NFRKB: variants seen among roughly 807,000 people sequenced by gnomAD.
NFRKB encodes nuclear factor related to kappa-B-binding protein.
In NFRKB, 62 loss-of-function variants were observed where a neutral mutation model predicts 135.7. The ratio of observed to expected loss-of-function variants is 0.46; its 90% CI spans 0.37 to 0.56. The LOEUF is 0.56. NFRKB is among the 20% of genes least tolerant of loss of function. NFRKB has a pLI of 0.00. For missense variants in NFRKB, 1,545 were observed against 1,662.0 expected (o/e 0.93, Z 1.22); for synonymous variants, 678 against 635.6 (o/e 1.07, Z -1.00).
intron 23 of NFRKB, among the ~76,000 whole-genome samples, chr11:129,870,476 C>T (rs1023714463): frequency 6.6e-6 from 1 of 152,078 alleles, no homozygotes; most frequent in South Asian, 2.1e-4. Flanking sequence ...GCTATCCCTC[C>T]CCACTGTGGT....
chr11:129,888,538 A>T, intron 4 of NFRKB, 56 bp downstream of exon 4: 1 of 1,469,332 alleles, frequency 6.8e-7, no homozygotes, highest in Non-Finnish European at 9.5e-7. Flanking sequence ...ACCCACATAA[A>T]GTGAACGTGT....
In NFRKB at chr11:129,885,518, C is replaced by A. The variant is rs779657816; in HGVS notation, c.557G>T (p.Trp186Leu). 6.2e-7 allele frequency: 1 copy of A among 1,614,160 alleles called. No homozygotes were observed. The highest frequency in any genetic ancestry group is 1.1e-5 in the South Asian group (1 of 91,088). The change falls in exon 6 of 27, where the codon TGG becomes TTG. Residue 186 changes from tryptophan (W) to leucine (L), a missense_variant. Transcript: ENST00000682444. Reference protein sequence around the residue: ...SPSRTPEEREWRTQQRYLKVL... With the variant: ...SPSRTPEERELRTQQRYLKVL... ...CTTCAAGTAGCGCTGCTGGGTCCGC[C>A]ACTCCCGCTCCTCAGGTGTGCGGGA...
intron 24 of NFRKB, among the ~76,000 whole-genome samples, chr11:129,867,634 C>T (rs1350282623): frequency 6.6e-6 from 1 of 152,106 alleles, no homozygotes; most frequent in Non-Finnish European, 1.5e-5. Context: ...TCTTTTTTAA[C>T]CACACTATGT....
intron 3 of NFRKB, among the ~76,000 whole-genome samples, chr11:129,890,207 C>G (rs913754597): frequency 6.6e-6 from 1 of 151,844 alleles, no homozygotes; most frequent in Non-Finnish European, 1.5e-5. Context: ...GGAAACAACC[C>G]AGAAATCCAA....
chr11:129,892,619 C>T, intron 3 of NFRKB, 96 bp downstream of exon 3: 1 of 1,310,830 alleles, frequency 7.6e-7, no homozygotes, highest in Non-Finnish European at 1.1e-6. Context: ...CAAAAGGGAG[C>T]ACAAAAGACT....
At chr11:129,894,985 C>T (rs553881326) in intron 1 of NFRKB, among the ~76,000 whole-genome samples, 5 of 152,316 alleles carry the variant, frequency 3.3e-5, no homozygotes, top group Non-Finnish European at 5.9e-5. Context: ...AACCTTTGCA[C>T]TGCCACTATT....
chr11:129,884,695 G>A (rs937608695), intron 7 of NFRKB, 50 bp downstream of exon 7: 9 of 1,603,558 alleles, frequency 5.6e-6, no homozygotes, highest in South Asian at 1.1e-5. Flanking sequence ...GAGTTTTCAG[G>A]TCTCCACCGC....
chr11:129,888,385 T>A, intron 4 of NFRKB: 1 of 687,010 alleles, frequency 1.5e-6, no homozygotes, highest in Non-Finnish European at 2.6e-6. Context: ...ACAAGCTGAA[T>A]TCATATTATG....
At chr11:129,883,331 T>C (rs1949119340) in intron 8 of NFRKB, 125 bp from the exon 9 acceptor site, 2 of 685,218 alleles carry the variant, frequency 2.9e-6, no homozygotes, top group African/African-American at 1.8e-5. Flanking sequence ...GAGTCAAAAA[T>C]ATAGAGAGAT....
rs757445077 is a variant in NFRKB, at chr11:129,869,545, G to C, written c.3480C>G (p.Pro1160=). ...TGCTGACAGGGACCTGCCGCACGGTGGGGGCTCCTGTGCTGATGCTGATGG... is the reference window on the plus strand; with the variant it reads ...TGCTGACAGGGACCTGCCGCACGGTCGGGGCTCCTGTGCTGATGCTGATGG... ...STPISISTGA[P]TVRQVPVSTT... is the part of the protein sequence containing the mutation. Residue 1160 remains proline, a synonymous_variant, in exon 24 of 27, where the codon CCC becomes CCG. Transcript: ENST00000682444. 2.5e-6 allele frequency: 4 copies of C among 1,613,794 alleles called. No homozygotes were observed. The highest frequency in any genetic ancestry group is 1.3e-5 in the African/African-American group (1 of 75,044).
In NFRKB at chr11:129,886,258, T is replaced by C. The variant is rs56890585; in HGVS notation, c.465+59A>G. The C allele has an allele frequency of 2.4e-3, 3,766 of 1,557,746 alleles. 79 individuals are homozygous for C. The African/African-American group carries it at 0.044, about 18-fold the overall frequency. Reference sequence around the variant, plus strand: ...TTGTGTTTTGCACCTGAATTGCTTCTTGAAGTCATGATACCTGTGACTGCC... The same window carrying C: ...TTGTGTTTTGCACCTGAATTGCTTCCTGAAGTCATGATACCTGTGACTGCC... On this transcript the variant is annotated intron_variant, in intron 5 of 26. Transcript: ENST00000682444.
Position 129,874,460 on chromosome 11 carries a change from C to A in NFRKB, c.2058+41G>T. ...AGCAGCCACTCTTAGTTGCCTCCAT[C>A]CCAGAATCCCTAGGGCAGACACTCT... is the stretch of plus-strand genomic sequence containing the variant. On this transcript the variant is annotated intron_variant, in intron 20 of 26. Transcript: ENST00000682444. The surrounding 1 kb of genome is among the most constrained non-coding windows in gnomAD (Gnocchi z 4.5). 1 of 1,593,602 alleles carries A rather than the reference C, an allele frequency of 6.3e-7. No individual in the cohort carries two copies. Among genetic ancestry groups the A allele is most frequent in the Non-Finnish European group, 8.5e-7 (1 of 1,171,326 alleles).
intron 24 of NFRKB, 120 bp from the exon 25 acceptor site, chr11:129,866,103 C>T (rs1948179115): frequency 1.3e-6 from 1 of 766,982 alleles, no homozygotes; most frequent in African/African-American, 1.8e-5. Context: ...TCCCCAGTAC[C>T]CACCAGGGTC....
At chr11:129,884,967 C>T in intron 6 of NFRKB, 121 bp from the exon 7 acceptor site, 1 of 1,473,268 alleles carries the variant, frequency 6.8e-7, no homozygotes, top group Non-Finnish European at 9.3e-7. Context: ...CAGGGTTCCA[C>T]AATCCTTTCT....
chr11:129,869,677 C>G lies in NFRKB; in HGVS notation c.3348G>C (p.Ser1116=), dbSNP rs144952739. The G allele has an allele frequency of 2.5e-6, 4 of 1,614,118 alleles. No homozygotes were observed. In the Admixed American group the frequency reaches 6.7e-5, roughly 27 times the overall value. The part of the protein sequence containing the change: ...TVATHAKQGA[S]VASGSGTVHT... Reference sequence around the variant, plus strand: ...GGACAGTTCCAGACCCACTGGCCACCGAGGCCCCTTGCTTGGCGTGGGTTG... The same window carrying G: ...GGACAGTTCCAGACCCACTGGCCACGGAGGCCCCTTGCTTGGCGTGGGTTG... The change falls in exon 24 of 27, where the codon TCG becomes TCC. Residue 1116 remains serine, a synonymous_variant. Transcript: ENST00000682444.
chr11:129,876,842 G>A lies in NFRKB; in HGVS notation c.1626C>T (p.Gly542=), dbSNP rs1309921931. ...TCACTGGCCCCACCACAGACTCAAA[G>A]CCGTGCATGCGAAAGGTGAACGCCT... The part of the protein sequence containing the change: ...PHKAFTFRMH[G]FESVVGPVKG... The change falls in exon 17 of 27, where the codon GGC becomes GGT. Residue 542 remains glycine (G), a synonymous_variant. Coordinates refer to ENST00000682444, the MANE Select transcript of NFRKB (RefSeq NM_001143835.2). 1 of 1,614,030 alleles carries A rather than the reference G, an allele frequency of 6.2e-7. No homozygotes were observed. The highest frequency in any genetic ancestry group is 1.3e-5 in the African/African-American group (1 of 74,920).
At chr11:129,879,409 G>C (rs901575894) in intron 13 of NFRKB, among the ~76,000 whole-genome samples, 1 of 152,060 alleles carries the variant, frequency 6.6e-6, no homozygotes, top group Non-Finnish European at 1.5e-5. Context: ...CTGACAGATG[G>C]GGGGAGTGCT....
chr11:129,874,519 G>T lies in NFRKB; in HGVS notation c.2040C>A (p.Pro680=). Residue 680 remains proline (P), a synonymous_variant, in exon 20 of 27, where the codon CCC becomes CCA. Coordinates refer to ENST00000682444, the MANE Select transcript of NFRKB (RefSeq NM_001143835.2). This position sits in a 1 kb window ranked among gnomAD's most constrained non-coding sequence, Gnocchi z 4.5. ...AKARKALQQK[P]KPPSKVKSSS... is the part of the protein sequence containing the mutation. ...CACTTACCACCTTGGATGGGGGCTT[G>T]GGTTTTTGCTGAAGAGCTTTTCTGG... 2 of 1,614,116 alleles carry T rather than the reference G, an allele frequency of 1.2e-6. No homozygotes were observed. The highest frequency in any genetic ancestry group is 1.7e-6 in the Non-Finnish European group (2 of 1,180,004).
chr11:129,876,632 G>A (rs1185329228), intron 17 of NFRKB, 89 bp downstream of exon 17: 6 of 1,414,510 alleles, frequency 4.2e-6, no homozygotes, highest in Non-Finnish European at 5.7e-6. Flanking sequence ...CTGGGTGGAG[G>A]GGTAAGGAGA....
Sources: allele counts gnomAD v4.1 joint callset (sites outside exome capture counted in the v4.1 genomes callset), GRCh38; gene constraint gnomAD v4.1.1; non-coding constraint Gnocchi (gnomAD v3.1); transcripts MANE v1.5; gene names NCBI Gene and HGNC (gene_info 2026-07-23, HGNC 2026-07-21).